ADARB2: variants seen among roughly 807,000 people sequenced by gnomAD.
The protein encoded by ADARB2 is adenosine deaminase RNA specific B2 (inactive).
ADARB2 carries 25 observed loss-of-function variants against 62.2 expected under a neutral mutation model. The ratio of observed to expected loss-of-function variants is 0.40; its 90% CI spans 0.29 to 0.56. The LOEUF (loss-of-function observed/expected upper bound fraction) is 0.56, where lower values mean the gene tolerates loss of function less well. Ranked by LOEUF, ADARB2 falls within the 20% of genes least tolerant of loss-of-function variation. ADARB2 has a pLI of 0.43. For missense variants in ADARB2, 1,071 were observed against 1,077.4 expected, an observed-to-expected ratio of 0.99 and a Z score of 0.08; for synonymous variants, 572 against 500.8, an observed-to-expected ratio of 1.14 and a Z score of -1.90.
intron 1 of ADARB2, among the ~76,000 whole-genome samples, chr10:1,470,460 A>G (rs944603334): frequency 2.0e-5 from 3 of 152,198 alleles, no homozygotes; most frequent in Admixed American, 6.5e-5. Flanking sequence ...AAAATGTCAA[A>G]TTAACAGAAC....
intron 4 of ADARB2, among the ~76,000 whole-genome samples, chr10:1,261,021 T>C (rs1293499650): frequency 2.8e-5 from 2 of 71,770 alleles, no homozygotes; most frequent in African/African-American, 1.0e-4. Context: ...TATCTGATCT[T>C]TGACAAACCT....
chr10:1,702,491 G>A (rs912977679), intron 1 of ADARB2, among the ~76,000 whole-genome samples: 6 of 152,280 alleles, frequency 3.9e-5, no homozygotes, highest in Admixed American at 1.3e-4. Flanking sequence ...AGGGAATCCC[G>A]AAAATCTGGG....
At chr10:1,198,186 T>A (rs1298104194) in intron 8 of ADARB2, among the ~76,000 whole-genome samples, 1 of 152,242 alleles carries the variant, frequency 6.6e-6, no homozygotes, top group Non-Finnish European at 1.5e-5. Context: ...ATCCCGTGAC[T>A]GTGTGAGTAA....
chr10:1,444,776 C>A (rs1830947949), intron 1 of ADARB2, among the ~76,000 whole-genome samples: 1 of 147,038 alleles, frequency 6.8e-6, no homozygotes, highest in Non-Finnish European at 1.5e-5. Context: ...ATTCACCATC[C>A]ATTTCCATCC....
chr10:1,591,655 GCACGCACA>G (rs1363695040), intron 1 of ADARB2, among the ~76,000 whole-genome samples: 3 of 87,018 alleles, frequency 3.4e-5, no homozygotes, highest in Non-Finnish European at 9.4e-5. Context: ...ACAGAGGCGT[GCACGCACA>G]CACACACACA....
chr10:1,609,978 T>G (rs1450089464), intron 1 of ADARB2, among the ~76,000 whole-genome samples: 1 of 152,226 alleles, frequency 6.6e-6, no homozygotes, highest in Non-Finnish European at 1.5e-5. Context: ...AATTTTGTTT[T>G]CAGCTATTTA....
chr10:1,188,724 A>C (rs967047450), intron 8 of ADARB2, among the ~76,000 whole-genome samples: 1 of 151,498 alleles, frequency 6.6e-6, no homozygotes, highest in East Asian at 1.9e-4. Context: ...TCTGCAGCTG[A>C]TCATGCCCGT....
At chr10:1,610,147 C>A (rs1320651002) in intron 1 of ADARB2, among the ~76,000 whole-genome samples, 1 of 152,100 alleles carries the variant, frequency 6.6e-6, no homozygotes, top group Non-Finnish European at 1.5e-5. Context: ...GTGATAAATG[C>A]TCCTAGGCCC....
intron 1 of ADARB2, among the ~76,000 whole-genome samples, chr10:1,524,185 A>C (rs529900492): frequency 2.0e-5 from 3 of 152,182 alleles, no homozygotes; most frequent in Non-Finnish European, 4.4e-5. Context: ...GGAGAGTCTG[A>C]GACATACAAA....
At chr10:1,324,200 C>G (rs978873504) in intron 3 of ADARB2, among the ~76,000 whole-genome samples, 1 of 152,198 alleles carries the variant, frequency 6.6e-6, no homozygotes, top group Non-Finnish European at 1.5e-5. Context: ...ACACGAGGTA[C>G]CATATGAGTC....
chr10:1,655,810 G>C (rs1834166969), intron 1 of ADARB2, among the ~76,000 whole-genome samples: 1 of 152,234 alleles, frequency 6.6e-6, no homozygotes, highest in Admixed American at 6.5e-5. Flanking sequence ...AGTATTTTCA[G>C]TAGCATCTTT....
In ADARB2 at chr10:1,233,978, C is replaced by CTTTTT. The variant is rs1589160330; in HGVS notation, c.1362-138_1362-134dup. 6.5e-5 allele frequency: 28 copies of CTTTTT among 433,402 alleles called. 9 individuals carry two copies. Among genetic ancestry groups the CTTTTT allele is most frequent in the African/African-American group, 1.8e-4 (5 of 27,756 alleles). The allele number at this position is 433,402 out of a possible 1,614,324, so 26.8% of individuals were successfully genotyped here. A position where few individuals can be genotyped will look rare whatever the true frequency, so the allele number is the denominator to read the frequency against. On this transcript the variant is annotated intron_variant, in intron 5 of 9. Coordinates refer to ENST00000381312, the MANE Select transcript of ADARB2 (RefSeq NM_018702.4). ...CTTTATATTTTTCCTTTTTTTTTTC[C>CTTTTT]TTTTTTTTTTGAGACGGAGTCTTGT...
At chr10:1,497,552 T>A (rs2131936059) in intron 1 of ADARB2, among the ~76,000 whole-genome samples, 1 of 152,320 alleles carries the variant, frequency 6.6e-6, no homozygotes, top group South Asian at 2.1e-4. Context: ...CTTATTGTTC[T>A]CCTTTCTCTT....
intron 1 of ADARB2, among the ~76,000 whole-genome samples, chr10:1,563,787 C>G (rs1192954750): frequency 8.4e-6 from 1 of 119,016 alleles, no homozygotes; most frequent in African/African-American, 3.2e-5. Flanking sequence ...CCCCTCCCCC[C>G]ACCCCACAAC....
chr10:1,687,559 T>C (rs1834612146), intron 1 of ADARB2, among the ~76,000 whole-genome samples: 1 of 152,140 alleles, frequency 6.6e-6, no homozygotes, highest in African/African-American at 2.4e-5. Context: ...TTCTCTTTGA[T>C]TGATTTTATA....
At chr10:1,623,410 G>A (rs1833730919) in intron 1 of ADARB2, among the ~76,000 whole-genome samples, 1 of 152,218 alleles carries the variant, frequency 6.6e-6, no homozygotes, top group African/African-American at 2.4e-5. Flanking sequence ...AGTTTCTACT[G>A]TATAGCTAGA....
chr10:1,187,877 C>T, intron 8 of ADARB2: 1 of 421,522 alleles, frequency 2.4e-6, no homozygotes. Flanking sequence ...TCCATATGTG[C>T]ACAGGGAGGA....
Position 1,189,724 on chromosome 10 carries a change from A to G in ADARB2, c.1865-4685T>C, listed in dbSNP as rs569786955. 2.1e-3 allele frequency among the ~76,000 whole-genome samples: 319 copies of G among 150,956 alleles called. 2 individuals carry two copies. Among genetic ancestry groups the G allele is most frequent in the African/African-American group, 7.2e-3 (294 of 40,818 alleles). On this transcript the variant is annotated intron_variant, in intron 8 of 9. Transcript: ENST00000381312. Reference sequence around the variant, plus strand: ...TGGTGACCCAGTCCACCCAGAACACATGGCCCTACCTCCTTCCCCAGAACA... The same window carrying G: ...TGGTGACCCAGTCCACCCAGAACACGTGGCCCTACCTCCTTCCCCAGAACA...
intron 3 of ADARB2, among the ~76,000 whole-genome samples, chr10:1,328,915 A>G (rs573533371): frequency 6.7e-6 from 1 of 149,806 alleles, no homozygotes; most frequent in East Asian, 2.0e-4. Context: ...TCACCTGAAC[A>G]CAGGTGGGAA....
Sources: gnomAD v4.1 joint callset for allele counts (sites outside exome capture counted in the v4.1 genomes callset) on GRCh38, gnomAD v4.1.1 for gene constraint, MANE v1.5 for transcripts, NCBI Gene and HGNC (gene_info 2026-07-23, HGNC 2026-07-21) for gene names.